Variants in COL24A1 observed in about 807,000 individuals in gnomAD.
COL24A1 encodes the protein collagen type XXIV alpha 1 chain, also known as collagen alpha-1(XXIV) chain.
COL24A1 carries 224 observed loss-of-function variants against 253.9 expected under a neutral mutation model. The observed-to-expected ratio is 0.88, with a 90% CI of 0.79 to 0.99. COL24A1 has a LOEUF of 0.99. Among genes scored for constraint, COL24A1 ranks in the 50% least tolerant of loss-of-function variants. The pLI, the probability that COL24A1 is intolerant of heterozygous loss-of-function variation, is 0.00. For synonymous variants in COL24A1, 685 were observed against 673.7 expected (o/e 1.02, Z -0.26); for missense variants, 2,131 against 2,068.5 (o/e 1.03, Z -0.59).
Position 86,115,350 on chromosome 1 carries a change from C to T in COL24A1, c.1520G>A (p.Gly507Asp), listed in dbSNP as rs2102185035. ...PGPPGPAGIPGPSGKRGPRGI... is the reference protein window; with the variant it reads ...PGPPGPAGIPDPSGKRGPRGI... ...CCGTGGACCTCTCTTCCCTGACGGA[C>T]CTGGGATACCTGCTGGACCAGGTGG... The change falls in exon 4 of 60, where the codon GGT (glycine) becomes GAT (aspartate). Residue 507 changes from glycine to aspartate, a missense_variant. Gly to Asp is a moderately conservative substitution (Grantham distance 94, BLOSUM62 -1). Coordinates refer to ENST00000370571, the MANE Select transcript of COL24A1 (RefSeq NM_152890.7). 1.9e-6 allele frequency: 3 copies of T among 1,613,918 alleles called. No homozygotes were observed. Among genetic ancestry groups the T allele is most frequent in the South Asian group, 2.2e-5 (2 of 91,020 alleles).
intron 47 of COL24A1, among the ~76,000 whole-genome samples, chr1:85,812,054 T>C (rs1672602017): frequency 6.6e-6 from 1 of 152,150 alleles, no homozygotes; most frequent in Admixed American, 6.5e-5. Flanking sequence ...ATGAGCTTGC[T>C]CCGATTGAAA....
chr1:85,862,860 A>G (rs962020248), intron 37 of COL24A1, among the ~76,000 whole-genome samples: 1 of 152,152 alleles, frequency 6.6e-6, no homozygotes, highest in South Asian at 2.1e-4. Context: ...AAGAAAGTCA[A>G]TGGTAGCTTG....
chr1:85,947,647 T>TAA (rs201394742), intron 24 of COL24A1, among the ~76,000 whole-genome samples: 3,181 of 152,240 alleles, frequency 0.021, 112 homozygotes, highest in African/African-American at 0.071. Context: ...AAAGCTGACT[T>TAA]AAAAAAATCA....
chr1:85,938,466 C>T (rs1218646051), intron 24 of COL24A1, among the ~76,000 whole-genome samples: 4 of 146,740 alleles, frequency 2.7e-5, no homozygotes, highest in Admixed American at 6.9e-5. Flanking sequence ...TTAATTCACC[C>T]TGATCATCAG....
chr1:85,798,365 A>G (rs1356909096), intron 47 of COL24A1, among the ~76,000 whole-genome samples: 4 of 152,186 alleles, frequency 2.6e-5, no homozygotes, highest in Middle Eastern at 6.8e-3. Flanking sequence ...AAATGGGCCA[A>G]AACAAGCGGC....
intron 53 of COL24A1, among the ~76,000 whole-genome samples, chr1:85,764,763 A>G (rs1667196912): frequency 6.6e-6 from 1 of 151,920 alleles, no homozygotes; most frequent in Non-Finnish European, 1.5e-5. Context: ...TTTCTTCCTG[A>G]TGTGTGTTTT....
Position 86,112,461 on chromosome 1 carries a change from CCTTGATGTATCAAGA to C in COL24A1, c.1599+91_1599+105del. ...ATCATGCTCTGGAGGTGACAGAGAT[CCTTGATGTATCAAGA>C]CTTGCCTTAAATGTTAGGGATCTTC... On this transcript the variant is annotated intron_variant, in intron 5 of 59. Transcript: ENST00000370571. 3 of 927,776 alleles carry C rather than the reference CCTTGATGTATCAAGA, an allele frequency of 3.2e-6. No individual in the cohort carries two copies. In the South Asian group the frequency reaches 5.3e-5, roughly 16 times the overall value. 57.5% of individuals were successfully genotyped at this position (927,776 alleles called of 1,614,324 possible). A position where few individuals can be genotyped will look rare whatever the true frequency, so the allele number is the denominator to read the frequency against.
At chr1:85,815,979 A>G (rs1673006591) in intron 47 of COL24A1, among the ~76,000 whole-genome samples, 1 of 152,054 alleles carries the variant, frequency 6.6e-6, no homozygotes, top group Non-Finnish European at 1.5e-5. Flanking sequence ...ATGAATCTAC[A>G]TTATTGCATT....
At chr1:85,885,397 A>ATTTTTTTTTTTT (rs1177337391) in intron 32 of COL24A1, among the ~76,000 whole-genome samples, 1 of 128,902 alleles carries the variant, frequency 7.8e-6, no homozygotes, top group Non-Finnish European at 1.6e-5. Flanking sequence ...ATATATATAT[A>ATTTTTTTTTTTT]TTTTTTTTTT....
chr1:86,126,267 T>G (rs1191841918), intron 2 of COL24A1, 53 bp from the exon 3 acceptor site: 1 of 1,466,778 alleles, frequency 6.8e-7, no homozygotes, highest in Non-Finnish European at 9.1e-7. Context: ...TGGATTCAAG[T>G]GTTCATATAA....
chr1:85,956,822 T>G (rs1690513797), intron 24 of COL24A1, among the ~76,000 whole-genome samples: 1 of 152,124 alleles, frequency 6.6e-6, no homozygotes, highest in African/African-American at 2.4e-5. Flanking sequence ...TCATCAACAG[T>G]AAAGAAAACA....
intron 43 of COL24A1, among the ~76,000 whole-genome samples, chr1:85,834,913 A>G (rs1675826263): frequency 6.6e-6 from 1 of 152,170 alleles, no homozygotes; most frequent in South Asian, 2.1e-4. Context: ...TTATGAAATA[A>G]CATGAAATAG....
intron 35 of COL24A1, among the ~76,000 whole-genome samples, chr1:85,869,064 G>A (rs1475980263): frequency 6.6e-6 from 1 of 152,006 alleles, no homozygotes; most frequent in Middle Eastern, 3.2e-3. Context: ...AATATAAGAT[G>A]ATTCCAGAAT....
At chr1:86,091,943 T>C (rs1372577463) in intron 6 of COL24A1, among the ~76,000 whole-genome samples, 2 of 152,116 alleles carry the variant, frequency 1.3e-5, no homozygotes, top group Admixed American at 6.5e-5. Flanking sequence ...ATTGTGTACA[T>C]ATGTATTAAC....
chr1:86,019,307 A>G (rs1220174022), intron 18 of COL24A1, among the ~76,000 whole-genome samples: 1 of 152,076 alleles, frequency 6.6e-6, no homozygotes, highest in East Asian at 1.9e-4. Context: ...CTATAATCCC[A>G]CATTCTAGGA....
intron 2 of COL24A1, among the ~76,000 whole-genome samples, chr1:86,142,028 G>C (rs563254416): frequency 6.6e-6 from 1 of 151,916 alleles, no homozygotes; most frequent in Admixed American, 6.6e-5. Context: ...TAACAGAAAT[G>C]TTGCATACTT....
chr1:86,029,509 T>C (rs550016490), intron 14 of COL24A1, among the ~76,000 whole-genome samples: 1 of 152,286 alleles, frequency 6.6e-6, no homozygotes, highest in Admixed American at 6.5e-5. Flanking sequence ...CTAAATCCCA[T>C]ACTCATGTTA....
At chr1:85,946,788 T>A (rs1006041420) in intron 24 of COL24A1, among the ~76,000 whole-genome samples, 9 of 152,346 alleles carry the variant, frequency 5.9e-5, no homozygotes, top group South Asian at 2.1e-4. Flanking sequence ...AACTATTTAA[T>A]GAAAAGCACC....
At chr1:85,952,734 T>C (rs1360483295) in intron 24 of COL24A1, among the ~76,000 whole-genome samples, 1 of 152,224 alleles carries the variant, frequency 6.6e-6, no homozygotes, top group African/African-American at 2.4e-5. Context: ...GCTGCTTTCA[T>C]ACTACAACAG....
Sources: allele counts gnomAD v4.1 joint callset (sites outside exome capture counted in the v4.1 genomes callset), GRCh38; gene constraint gnomAD v4.1.1; transcripts MANE v1.5; gene names NCBI Gene and HGNC (gene_info 2026-07-23, HGNC 2026-07-21).